ZNF516: variants seen among roughly 807,000 people sequenced by gnomAD.
The protein encoded by ZNF516 is zinc finger protein 516.
Under a neutral mutation model 79.7 loss-of-function variants are expected in ZNF516, and 19 were observed. The ratio of observed to expected loss-of-function variants is 0.24; its 90% confidence interval spans 0.17 to 0.35. The LOEUF (loss-of-function observed/expected upper bound fraction) is 0.35. Among genes scored for constraint, ZNF516 ranks in the 10% least tolerant of loss-of-function variants. The pLI, the probability that ZNF516 is intolerant of heterozygous loss-of-function variation, is 1.00. For synonymous variants in ZNF516, 877 were observed against 739.5 expected (o/e 1.19, Z -3.02); for missense variants, 1,678 against 1,679.5 (o/e 1.00, Z 0.02).
chr18:76,368,043 T>C (rs1242257255), intron 6 of ZNF516, among the ~76,000 whole-genome samples: 1 of 152,194 alleles, frequency 6.6e-6, no homozygotes, highest in Non-Finnish European at 1.5e-5. Flanking sequence ...TTAATGAATG[T>C]TAGCAAAGCA....
At chr18:76,406,615 G>A (rs76643095) in intron 3 of ZNF516, among the ~76,000 whole-genome samples, 137 of 152,262 alleles carry the variant, frequency 9.0e-4, no homozygotes, top group Non-Finnish European at 1.4e-3. Context: ...AGCGACAGCC[G>A]CGCTCCACAT....
intron 1 of ZNF516, chr18:76,490,953 A>C: frequency 4.1e-6 from 4 of 985,368 alleles, no homozygotes; most frequent in Non-Finnish European, 4.8e-6. Flanking sequence ...GAGGTCACAC[A>C]CGCAGAACAC....
intron 3 of ZNF516, among the ~76,000 whole-genome samples, chr18:76,396,604 A>G (rs2075149558): frequency 6.6e-6 from 1 of 152,230 alleles, no homozygotes. Context: ...AAAGGGGGAA[A>G]CTTGATGAAA....
intron 3 of ZNF516, among the ~76,000 whole-genome samples, chr18:76,391,303 G>C (rs550080128): frequency 6.6e-6 from 1 of 152,046 alleles, no homozygotes; most frequent in East Asian, 1.9e-4. Flanking sequence ...AGCCATAGCA[G>C]TAGCAATACA....
At chr18:76,490,819 G>A (rs1915134374) in intron 1 of ZNF516, 3 of 985,494 alleles carry the variant, frequency 3.0e-6, no homozygotes, top group Middle Eastern at 5.2e-4. Context: ...GAGGGTCCGA[G>A]GGCTCCGTCC....
intron 2 of ZNF516, among the ~76,000 whole-genome samples, chr18:76,455,683 G>A (rs1373579680): frequency 2.6e-5 from 4 of 152,196 alleles, no homozygotes; most frequent in Admixed American, 6.5e-5. Context: ...AGTACCTGGT[G>A]AAAGAAGAGA....
At chr18:76,414,344 A>AT (rs1189118347) in intron 3 of ZNF516, among the ~76,000 whole-genome samples, 1 of 152,198 alleles carries the variant, frequency 6.6e-6, no homozygotes, top group African/African-American at 2.4e-5. Context: ...TCCACGTGTT[A>AT]TTTTCCTCAG....
chr18:76,492,068 A>G, intron 1 of ZNF516: 1 of 773,102 alleles, frequency 1.3e-6, no homozygotes, highest in Non-Finnish European at 1.6e-6. Flanking sequence ...ACACCCGCGC[A>G]TGGACGAGGT....
At position 76,379,856 on chromosome 18, in the gene ZNF516, A is replaced by C; in HGVS notation, c.2258T>G (p.Leu753Arg). ...CGGGTGAACGACTAAAGCCGCCTGC[A>C]GGGAGGAGGCCGTCTCCTTATTGCT... ...DPSNKETASSLQAALVVHPCP... is the reference protein window; with the variant it reads ...DPSNKETASSRQAALVVHPCP... The change falls in exon 4 of 7, where the codon CTG (leucine) becomes CGG (arginine). Residue 753 changes from leucine to arginine, a missense_variant. Transcript: ENST00000443185. 6.2e-7 allele frequency: 1 copy of C among 1,613,872 alleles called. No homozygotes were observed. Among genetic ancestry groups the C allele is most frequent in the East Asian group, 2.2e-5 (1 of 44,848 alleles).
chr18:76,436,120 G>A (rs542761957), intron 3 of ZNF516, among the ~76,000 whole-genome samples: 135 of 152,350 alleles, frequency 8.9e-4, no homozygotes, highest in African/African-American at 1.4e-3. Context: ...GGCAGAGCCC[G>A]GCCGAATGAA....
intron 3 of ZNF516, among the ~76,000 whole-genome samples, chr18:76,382,339 G>A (rs776143941): frequency 2.6e-5 from 4 of 152,136 alleles, no homozygotes; most frequent in Admixed American, 2.0e-4. Context: ...TGCTCAGTAC[G>A]TTCGACTCAT....
intron 6 of ZNF516, among the ~76,000 whole-genome samples, chr18:76,366,653 T>C (rs1232040924): frequency 2.6e-5 from 4 of 152,018 alleles, no homozygotes; most frequent in Non-Finnish European, 5.9e-5. Flanking sequence ...TGTAGATGTG[T>C]TCACGTGTGT....
At chr18:76,385,622 T>C (rs2074975546) in intron 3 of ZNF516, 1 of 152,246 alleles carries the variant, frequency 6.6e-6, no homozygotes, top group Non-Finnish European at 1.5e-5. Context: ...CAGTGCACAT[T>C]TGTGCCTCTT....
rs192153435 is a variant in ZNF516 at position 76,460,901 on chromosome 18, T to G, written c.-158+2127A>C. Among the ~76,000 whole-genome samples the G allele has an allele frequency of 1.5e-4, 23 of 152,266 alleles. No individual in the cohort carries two copies. In the East Asian group the frequency reaches 4.4e-3, roughly 29 times the overall value. On this transcript the variant is annotated intron_variant, in intron 2 of 6. Coordinates refer to ENST00000443185, the MANE Select transcript of ZNF516 (RefSeq NM_014643.4). The stretch of plus-strand genomic sequence containing the variant: ...AGAAGGGCCTTTTTAAACAACATAC[T>G]GCCCGCCACGGTGGCTCACGCCTGT...
intron 3 of ZNF516, among the ~76,000 whole-genome samples, chr18:76,381,960 C>T (rs534306202): frequency 5.9e-5 from 9 of 152,100 alleles, no homozygotes; most frequent in Non-Finnish European, 1.0e-4. Context: ...GGTGAAACCC[C>T]GTCTCTGCTA....
At chr18:76,457,345 T>C (rs553040890) in intron 2 of ZNF516, among the ~76,000 whole-genome samples, 1 of 152,368 alleles carries the variant, frequency 6.6e-6, no homozygotes, top group Admixed American at 6.5e-5. Flanking sequence ...TATCTCAAAC[T>C]AGTTCTTAAA....
intron 1 of ZNF516, among the ~76,000 whole-genome samples, chr18:76,482,677 A>T (rs1323305955): frequency 1.3e-5 from 2 of 152,220 alleles, no homozygotes; most frequent in Admixed American, 1.3e-4. Flanking sequence ...CCCTGTCGTA[A>T]ATTAGAGAGT....
intron 6 of ZNF516, among the ~76,000 whole-genome samples, chr18:76,367,600 C>G (rs2074635354): frequency 1.3e-5 from 2 of 152,152 alleles, no homozygotes. Context: ...GTGCTGAGCT[C>G]TTTAGGGACG....
At chr18:76,412,919 C>T (rs868345319) in intron 3 of ZNF516, among the ~76,000 whole-genome samples, 1 of 152,178 alleles carries the variant, frequency 6.6e-6, no homozygotes, top group Non-Finnish European at 1.5e-5. Flanking sequence ...CTCTGAGTCC[C>T]GCCATAACCT....
Sources: allele counts gnomAD v4.1 joint callset (sites outside exome capture counted in the v4.1 genomes callset), GRCh38; gene constraint gnomAD v4.1.1; transcripts MANE v1.5; gene names NCBI Gene and HGNC (gene_info 2026-07-23, HGNC 2026-07-21).